ARHGAP20: variants seen among roughly 807,000 people sequenced by gnomAD.
The protein encoded by ARHGAP20 is rho GTPase-activating protein 20.
In ARHGAP20, 34 loss-of-function variants were observed where a neutral mutation model predicts 73.7. The observed-to-expected ratio is 0.46, with a 90% confidence interval of 0.35 to 0.61. The LOEUF is 0.61. Among genes scored for constraint, ARHGAP20 ranks in the 20% least tolerant of loss-of-function variants. The probability of loss-of-function intolerance (pLI) is 0.00; values close to 1 mark genes in which losing one functional copy is unlikely to be tolerated. For synonymous variants in ARHGAP20, 523 were observed against 518.2 expected (o/e 1.01, Z -0.13); for missense variants, 1,314 against 1,420.9 (o/e 0.92, Z 1.21).
intron 11 of ARHGAP20, chr11:110,589,635 T>C (rs1947770253): frequency 1.0e-6 from 1 of 985,432 alleles, no homozygotes; most frequent in Non-Finnish European, 1.2e-6. Context: ...ATTTTGACTG[T>C]AGGTGTTTCC....
At chr11:110,685,853 G>T (rs1410436255) in intron 2 of ARHGAP20, among the ~76,000 whole-genome samples, 1 of 152,088 alleles carries the variant, frequency 6.6e-6, no homozygotes, top group African/African-American at 2.4e-5. Flanking sequence ...TTTGCTGTCT[G>T]CCCAAACACT....
chr11:110,670,655 C>T (rs2135066428), intron 2 of ARHGAP20, among the ~76,000 whole-genome samples: 1 of 152,158 alleles, frequency 6.6e-6, no homozygotes, highest in East Asian at 1.9e-4. Flanking sequence ...TAATGACATT[C>T]CTTCATACAA....
intron 2 of ARHGAP20, among the ~76,000 whole-genome samples, chr11:110,677,079 G>A (rs1441484740): frequency 3.9e-5 from 6 of 152,106 alleles, no homozygotes; most frequent in Admixed American, 6.5e-5. Context: ...GTGGACAATT[G>A]AGTTTGGTTG....
intron 2 of ARHGAP20, among the ~76,000 whole-genome samples, chr11:110,648,208 T>TG (rs1255441267): frequency 1.6e-5 from 1 of 63,192 alleles, no homozygotes; most frequent in African/African-American, 9.8e-5. Flanking sequence ...TATATATATG[T>TG]AAATATATAT....
intron 1 of ARHGAP20, among the ~76,000 whole-genome samples, chr11:110,707,679 C>T (rs1190164281): frequency 2.0e-5 from 3 of 152,032 alleles, no homozygotes; most frequent in Non-Finnish European, 4.4e-5. Context: ...GACCTTTGAA[C>T]TTAATGCTCC....
rs1393607054 is a variant in ARHGAP20, at chr11:110,580,898, G to A, written c.2048C>T (p.Pro683Leu). 1.2e-6 allele frequency: 2 copies of A among 1,613,116 alleles called. No homozygotes were observed. The highest frequency in any genetic ancestry group is 1.3e-5 in the African/African-American group (1 of 75,022). ...TGCTGCAGCTGTGGACAGGTAGCTG[G>A]GTGTGCACATGGCAGATGGGGCCCT... ...HARAPSAMCT[P>L]SYLSTAAANA... Residue 683 changes from proline (P) to leucine (L), a missense_variant, in exon 15 of 15, where the codon CCC becomes CTC. Transcript: ENST00000683387.
At chr11:110,673,450 T>C (rs1049194258) in intron 2 of ARHGAP20, among the ~76,000 whole-genome samples, 17 of 152,172 alleles carry the variant, frequency 1.1e-4, no homozygotes, top group African/African-American at 4.1e-4. Flanking sequence ...AACCATATTC[T>C]CTGATACAAG....
At chr11:110,645,080 G>A (rs1052689798) in intron 2 of ARHGAP20, among the ~76,000 whole-genome samples, 13 of 151,482 alleles carry the variant, frequency 8.6e-5, no homozygotes. Context: ...TGCAATCATG[G>A]CTCACTGCAA....
intron 2 of ARHGAP20, among the ~76,000 whole-genome samples, chr11:110,672,801 T>A (rs1480448417): frequency 6.6e-6 from 1 of 152,230 alleles, no homozygotes; most frequent in African/African-American, 2.4e-5. Context: ...ATGGTACGAC[T>A]ACTTTAGAAA....
rs1435511625 is a variant in ARHGAP20 at position 110,578,019 on chromosome 11, G to A, written c.*1351C>T. 28 of 985,216 alleles carry A rather than the reference G, an allele frequency of 2.8e-5. No homozygotes were observed. The highest frequency in any genetic ancestry group is 3.0e-5 in the Non-Finnish European group (25 of 829,892). 61.0% of individuals were successfully genotyped at this position (985,216 alleles called of 1,614,324 possible). On this transcript the variant is annotated 3_prime_UTR_variant, in exon 15 of 15. Coordinates refer to ENST00000683387, the MANE Select transcript of ARHGAP20 (RefSeq NM_001384657.1). ...ATGGGCTCAGAGCAACTTCTTATAG[G>A]TTAGTAGTTAATGTGAAAGAAGATG...
intron 1 of ARHGAP20, chr11:110,691,158 A>G: frequency 2.0e-6 from 1 of 497,574 alleles, no homozygotes; most frequent in East Asian, 3.2e-5. Flanking sequence ...GACTTTTTTA[A>G]AACTGTAACT....
intron 2 of ARHGAP20, among the ~76,000 whole-genome samples, chr11:110,649,745 G>C (rs190346919): frequency 1.3e-5 from 2 of 152,240 alleles, no homozygotes; most frequent in Admixed American, 1.3e-4. Context: ...TGCAAAGCCA[G>C]ACCTGGAAAA....
At chr11:110,680,450 T>C (rs930492041) in intron 2 of ARHGAP20, among the ~76,000 whole-genome samples, 9 of 152,122 alleles carry the variant, frequency 5.9e-5, no homozygotes, top group African/African-American at 2.2e-4. Context: ...TCAAGTTGTA[T>C]AGGGGAAGAG....
intron 2 of ARHGAP20, among the ~76,000 whole-genome samples, chr11:110,641,373 GTTGT>G (rs1949074096): frequency 6.6e-6 from 1 of 151,910 alleles, no homozygotes; most frequent in South Asian, 2.1e-4. Flanking sequence ...TGACACAGAA[GTTGT>G]TTAACAACAT....
At chr11:110,601,678 A>C (rs1452235670) in intron 9 of ARHGAP20, among the ~76,000 whole-genome samples, 1 of 152,188 alleles carries the variant, frequency 6.6e-6, no homozygotes, top group Non-Finnish European at 1.5e-5. Context: ...TAACACATAA[A>C]AATTATATGG....
intron 2 of ARHGAP20, among the ~76,000 whole-genome samples, chr11:110,668,642 C>T (rs1949769356): frequency 6.6e-6 from 1 of 151,876 alleles, no homozygotes; most frequent in South Asian, 2.1e-4. Flanking sequence ...GACCAAGACC[C>T]TGTCTCCAAA....
At chr11:110,653,464 T>A (rs867286730) in intron 2 of ARHGAP20, among the ~76,000 whole-genome samples, 1 of 152,116 alleles carries the variant, frequency 6.6e-6, no homozygotes, top group Non-Finnish European at 1.5e-5. Context: ...AACAAACTTA[T>A]GAAAAAAAGC....
At chr11:110,672,461 C>T (rs1949848240) in intron 2 of ARHGAP20, among the ~76,000 whole-genome samples, 1 of 151,758 alleles carries the variant, frequency 6.6e-6, no homozygotes, top group South Asian at 2.1e-4. Flanking sequence ...ACCATACACC[C>T]ACCAGATGGC....
chr11:110,672,219 GAA>G (rs1431709045), intron 2 of ARHGAP20, among the ~76,000 whole-genome samples: 3 of 152,016 alleles, frequency 2.0e-5, no homozygotes, highest in Non-Finnish European at 4.4e-5. Flanking sequence ...TTAAGAAAAT[GAA>G]AAGACAGATT....
Sources: gnomAD v4.1 joint callset for allele counts (sites outside exome capture counted in the v4.1 genomes callset) on GRCh38, gnomAD v4.1.1 for gene constraint, MANE v1.5 for transcripts, NCBI Gene and HGNC (gene_info 2026-07-23, HGNC 2026-07-21) for gene names.